ROR1: variants seen among roughly 807,000 people sequenced by gnomAD.
The protein encoded by ROR1 is inactive tyrosine-protein kinase transmembrane receptor ROR1.
ROR1 carries 19 observed loss-of-function variants against 78.8 expected under a neutral mutation model. The ratio of observed to expected loss-of-function variants is 0.24; its 90% CI spans 0.17 to 0.35. The LOEUF (loss-of-function observed/expected upper bound fraction) is 0.35, where lower values mean the gene tolerates loss of function less well. Among genes scored for constraint, ROR1 ranks in the 10% least tolerant of loss-of-function variants. The pLI is 1.00. For synonymous variants in ROR1, 386 were observed against 433.6 expected, an observed-to-expected ratio of 0.89 and a Z score of 1.36; for missense variants, 917 against 1,177.8, an observed-to-expected ratio of 0.78 and a Z score of 3.24.
intron 1 of ROR1, among the ~76,000 whole-genome samples, chr1:63,904,936 T>C (rs939627467): frequency 3.9e-5 from 6 of 152,156 alleles, no homozygotes; most frequent in Non-Finnish European, 8.8e-5. Context: ...AGCCCATGCC[T>C]TAACCTACAT....
At chr1:64,079,470 A>ATTTTTT in intron 4 of ROR1, among the ~76,000 whole-genome samples, 1 of 146,280 alleles carries the variant, frequency 6.8e-6, no homozygotes, top group Non-Finnish European at 1.5e-5. Flanking sequence ...CTTGATTGGG[A>ATTTTTT]TTTTTTTTTT....
intron 4 of ROR1, among the ~76,000 whole-genome samples, chr1:64,082,582 G>A (rs896177401): frequency 2.6e-5 from 4 of 152,212 alleles, no homozygotes; most frequent in Non-Finnish European, 4.4e-5. Context: ...GCAGCCCCTT[G>A]GGGATCGGCC....
chr1:63,990,541 C>T (rs1338364569), intron 1 of ROR1, among the ~76,000 whole-genome samples: 2 of 152,046 alleles, frequency 1.3e-5, no homozygotes, highest in South Asian at 2.1e-4. Flanking sequence ...TTTATGAGCT[C>T]GTTGACATCC....
chr1:63,877,951 A>G (rs1201221827), intron 1 of ROR1, among the ~76,000 whole-genome samples: 1 of 152,146 alleles, frequency 6.6e-6, no homozygotes, highest in Non-Finnish European at 1.5e-5. Context: ...GGGTGAGGGT[A>G]AAAGTTTTCT....
In ROR1 at chr1:64,159,018, C is replaced by A. The variant is rs1055122713; in HGVS notation, c.1212C>A (p.Ile404=). Residue 404 remains isoleucine (I), a synonymous_variant, in exon 8 of 9, where the codon ATC becomes ATA. Transcript: ENST00000371079. ...CCAAGGAGAAGAATAAAATGGAAAT[C>A]CTGTACATACTAGTGCCAAGTGTGG... ...KDSKEKNKME[I]LYILVPSVAI... 1.9e-6 allele frequency: 3 copies of A among 1,614,128 alleles called. No homozygotes were observed. The highest frequency in any genetic ancestry group is 2.5e-6 in the Non-Finnish European group (3 of 1,179,990).
At chr1:63,818,403 A>G (rs1042088229) in intron 1 of ROR1, among the ~76,000 whole-genome samples, 1 of 152,212 alleles carries the variant, frequency 6.6e-6, no homozygotes, top group African/African-American at 2.4e-5. Context: ...TGTCAGACAG[A>G]TTGAAAAGTT....
chr1:63,847,176 A>T (rs927254905), intron 1 of ROR1, among the ~76,000 whole-genome samples: 17 of 152,242 alleles, frequency 1.1e-4, no homozygotes, highest in Non-Finnish European at 2.2e-4. Context: ...TTGGGGCTGT[A>T]TGTGCTGGCT....
At chr1:63,925,216 A>C (rs1569920425) in intron 1 of ROR1, among the ~76,000 whole-genome samples, 1 of 127,500 alleles carries the variant, frequency 7.8e-6, no homozygotes, top group Admixed American at 9.3e-5. Context: ...TCCTGTGTCC[A>C]TGTGATCTCA....
chr1:63,894,956 T>G (rs1645428087), intron 1 of ROR1, among the ~76,000 whole-genome samples: 1 of 152,174 alleles, frequency 6.6e-6, no homozygotes, highest in Non-Finnish European at 1.5e-5. Context: ...ACAGCACATG[T>G]TTTCTCTCAG....
chr1:64,172,917 A>G (rs1314915449), intron 8 of ROR1, among the ~76,000 whole-genome samples: 1 of 152,208 alleles, frequency 6.6e-6, no homozygotes, highest in East Asian at 1.9e-4. Context: ...GGTTTGTATA[A>G]TGTAAACCAT....
At chr1:64,022,536 G>C (rs1430369158) in intron 2 of ROR1, among the ~76,000 whole-genome samples, 2 of 152,170 alleles carry the variant, frequency 1.3e-5, no homozygotes, top group Non-Finnish European at 2.9e-5. Flanking sequence ...AACGCTAACT[G>C]TTTTTACTTA....
Position 64,142,269 on chromosome 1 carries a change from T to A in ROR1, c.929-136T>A. 6 of 1,386,408 alleles carry A rather than the reference T, an allele frequency of 4.3e-6. No homozygotes were observed. The South Asian group carries it at 7.1e-5, about 16-fold the overall frequency. 85.9% of individuals were successfully genotyped at this position (1,386,408 alleles called of 1,614,324 possible). A position where few individuals can be genotyped will look rare whatever the true frequency, so the allele number is the denominator to read the frequency against. ...AGCAAAGCAGGGAGACTGTCCTGCA[T>A]GGCCCCTGACCAGCAGGGAAGCTGT... On this transcript the variant is annotated intron_variant, in intron 6 of 8. Coordinates refer to ENST00000371079, the MANE Select transcript of ROR1 (RefSeq NM_005012.4).
chr1:63,874,718 T>A (rs1645273216), intron 1 of ROR1, among the ~76,000 whole-genome samples: 2 of 152,132 alleles, frequency 1.3e-5, no homozygotes, highest in South Asian at 2.1e-4. Context: ...TTAGAGTGGT[T>A]AAGGCCCTCT....
intron 1 of ROR1, among the ~76,000 whole-genome samples, chr1:63,810,816 T>C (rs1644856127): frequency 6.6e-6 from 1 of 152,224 alleles, no homozygotes; most frequent in Non-Finnish European, 1.5e-5. Context: ...GGATTGCAAA[T>C]GGCCTGATAT....
At chr1:63,864,626 A>G (rs894154546) in intron 1 of ROR1, among the ~76,000 whole-genome samples, 9 of 152,144 alleles carry the variant, frequency 5.9e-5, no homozygotes, top group African/African-American at 2.2e-4. Context: ...ATCTAAATCA[A>G]GATTCTGGGC....
intron 4 of ROR1, among the ~76,000 whole-genome samples, chr1:64,071,245 T>C (rs1428756755): frequency 1.3e-5 from 2 of 152,120 alleles, no homozygotes; most frequent in East Asian, 3.9e-4. Context: ...AAAGAGGTGA[T>C]GTGTCCTCAT....
chr1:64,051,679 C>T (rs2100593870), intron 4 of ROR1, among the ~76,000 whole-genome samples: 1 of 152,096 alleles, frequency 6.6e-6, no homozygotes, highest in East Asian at 1.9e-4. Context: ...TCATCTTTCA[C>T]TTTAAGAGTA....
At position 64,142,520 on chromosome 1, in the gene ROR1, C is replaced by T. The variant is rs34772283; in HGVS notation, c.1044C>T (p.Thr348=). The T allele has an allele frequency of 5.7e-3, 9,207 of 1,614,128 alleles. 486 individuals are homozygous for T. In the African/African-American group the frequency reaches 0.11, roughly 19 times the overall value. ...AGTATCCCCACACACACACTTTCAC[C>T]GCCCTTCGTTTCCCAGAGCTGAATG... ...NSQYPHTHTF[T]ALRFPELNGG... The change falls in exon 7 of 9, where the codon ACC becomes ACT. Residue 348 remains threonine, a synonymous_variant. Coordinates refer to ENST00000371079, the MANE Select transcript of ROR1 (RefSeq NM_005012.4).
chr1:63,924,526 G>T (rs1253318698), intron 1 of ROR1, among the ~76,000 whole-genome samples: 2 of 152,096 alleles, frequency 1.3e-5, no homozygotes, highest in Admixed American at 1.3e-4. Flanking sequence ...AGAGCATTGC[G>T]GTATGGTGAG....
Sources: gnomAD v4.1 joint callset for allele counts (sites outside exome capture counted in the v4.1 genomes callset) on GRCh38, gnomAD v4.1.1 for gene constraint, MANE v1.5 for transcripts, NCBI Gene and HGNC (gene_info 2026-07-23, HGNC 2026-07-21) for gene names.